SLC12A8: variants seen among roughly 807,000 people sequenced by gnomAD.
SLC12A8 encodes solute carrier family 12 member 8, also known as cation-chloride cotransporter 9.
SLC12A8 carries 69 observed loss-of-function variants against 75.6 expected under a neutral mutation model. The observed-to-expected ratio is 0.91, with a 90% CI of 0.75 to 1.11. The LOEUF (loss-of-function observed/expected upper bound fraction) is 1.11, where lower values mean the gene tolerates loss of function less well. SLC12A8 is among the 50% of genes most tolerant of loss of function. The probability of loss-of-function intolerance (pLI) is 0.00; values close to 1 mark genes in which losing one functional copy is unlikely to be tolerated. For synonymous variants in SLC12A8, 365 were observed against 372.8 expected (o/e 0.98, Z 0.24); for missense variants, 877 against 896.7 (o/e 0.98, Z 0.28).
chr3:125,188,710 G>C (rs1934848181), intron 3 of SLC12A8, among the ~76,000 whole-genome samples: 1 of 152,230 alleles, frequency 6.6e-6, no homozygotes, highest in Non-Finnish European at 1.5e-5. Flanking sequence ...GGAGTGGGCA[G>C]AGCCAGTTCA....
chr3:125,156,644 T>G (rs1934057747), intron 5 of SLC12A8, among the ~76,000 whole-genome samples: 1 of 152,182 alleles, frequency 6.6e-6, no homozygotes, highest in Admixed American at 6.5e-5. Context: ...TTAAGAGGCA[T>G]GTACAAACAA....
intron 4 of SLC12A8, among the ~76,000 whole-genome samples, chr3:125,186,658 C>G (rs1391041883): frequency 1.3e-5 from 2 of 152,248 alleles, no homozygotes; most frequent in Non-Finnish European, 2.9e-5. Flanking sequence ...GGATTTCCCC[C>G]TACTCGCTCG....
chr3:125,107,141 C>A (rs1435980437), intron 10 of SLC12A8, among the ~76,000 whole-genome samples: 2 of 152,116 alleles, frequency 1.3e-5, no homozygotes, highest in Non-Finnish European at 2.9e-5. Flanking sequence ...CAACACATTT[C>A]CACTTCTCTT....
intron 10 of SLC12A8, among the ~76,000 whole-genome samples, chr3:125,099,606 C>A (rs1040284705): frequency 6.6e-6 from 1 of 152,116 alleles, no homozygotes; most frequent in African/African-American, 2.4e-5. Flanking sequence ...ATGACAATGA[C>A]TTTAAAAATA....
chr3:125,169,146 T>G (rs1404794211), intron 5 of SLC12A8, among the ~76,000 whole-genome samples: 1 of 152,278 alleles, frequency 6.6e-6, no homozygotes, highest in Non-Finnish European at 1.5e-5. Context: ...TTTGCCTGAC[T>G]TCTATGGCAA....
At chr3:125,182,513 T>A (rs1385553857) in intron 4 of SLC12A8, among the ~76,000 whole-genome samples, 2 of 151,924 alleles carry the variant, frequency 1.3e-5, no homozygotes, top group Non-Finnish European at 2.9e-5. Context: ...TCCCCATTTT[T>A]TTTTTTTTTT....
At chr3:125,111,276 T>C (rs879343664) in intron 8 of SLC12A8, among the ~76,000 whole-genome samples, 1 of 152,142 alleles carries the variant, frequency 6.6e-6, no homozygotes. Flanking sequence ...CACCAACAGA[T>C]AGAATAAGAG....
At chr3:125,162,060 G>A (rs1003905351) in intron 5 of SLC12A8, among the ~76,000 whole-genome samples, 2 of 152,180 alleles carry the variant, frequency 1.3e-5, no homozygotes, top group Admixed American at 1.3e-4. Flanking sequence ...GAATACCTGC[G>A]AACTGCTGCC....
At chr3:125,195,499 A>G (rs958945697) in intron 2 of SLC12A8, among the ~76,000 whole-genome samples, 14 of 152,224 alleles carry the variant, frequency 9.2e-5, no homozygotes, top group African/African-American at 3.4e-4. Context: ...ATTCCTAGAA[A>G]TGTGAGGTCT....
chr3:125,110,579 C>A, intron 8 of SLC12A8: 1 of 324,612 alleles, frequency 3.1e-6, no homozygotes, highest in Non-Finnish European at 5.7e-6. Flanking sequence ...CCAGACTCAG[C>A]TGCAGGGCTT....
intron 2 of SLC12A8, among the ~76,000 whole-genome samples, chr3:125,196,243 T>A (rs1162850415): frequency 3.9e-5 from 6 of 152,248 alleles, no homozygotes; most frequent in African/African-American, 1.4e-4. Flanking sequence ...GTATTTCAAA[T>A]GAATGACGTA....
chr3:125,111,463 C>T (rs1682478532), intron 8 of SLC12A8, among the ~76,000 whole-genome samples: 1 of 152,330 alleles, frequency 6.6e-6, no homozygotes, highest in South Asian at 2.1e-4. Context: ...CTCATCTGTA[C>T]CCACAGGAAA....
intron 4 of SLC12A8, among the ~76,000 whole-genome samples, chr3:125,185,320 C>CAAAAACA (rs762190741): frequency 4.9e-5 from 7 of 141,948 alleles, no homozygotes; most frequent in African/African-American, 1.3e-4. Flanking sequence ...AACGGCGTCT[C>CAAAAACA]AAAAACAAAA....
chr3:125,135,861 C>T (rs1176420407), intron 5 of SLC12A8, 79 bp from the exon 6 acceptor site: 1 of 784,966 alleles, frequency 1.3e-6, no homozygotes, highest in African/African-American at 1.7e-5. Context: ...GGTACTATTT[C>T]ATATATCGCT....
intron 5 of SLC12A8, among the ~76,000 whole-genome samples, chr3:125,162,327 C>T (rs1934193416): frequency 6.6e-6 from 1 of 152,226 alleles, no homozygotes; most frequent in African/African-American, 2.4e-5. Context: ...TTCCAGTCCT[C>T]AAGGCTCTCA....
At chr3:125,123,658 T>C (rs1933118380) in intron 6 of SLC12A8, 1 of 151,952 alleles carries the variant, frequency 6.6e-6, no homozygotes, top group Admixed American at 6.6e-5. Flanking sequence ...AACCATCAGA[T>C]CTCGTGAGAC....
chr3:125,107,995 T>G lies in SLC12A8; in HGVS notation c.1191A>C (p.Ala397=). ...VTINFMLTYV[A]VDYSYFSLSM... The stretch of plus-strand genomic sequence containing the variant: ...ACAGGGAGAAGTAAGAGTAGTCCAC[T>G]GCAACGTATGTCAGCATGAAGTTGA... The change falls in exon 10 of 14, where the codon GCA becomes GCC. Residue 397 remains alanine (A), a synonymous_variant. Transcript: ENST00000469902. 1 of 1,614,158 alleles carries G rather than the reference T, an allele frequency of 6.2e-7. No individual in the cohort carries two copies.
intron 5 of SLC12A8, among the ~76,000 whole-genome samples, chr3:125,141,190 C>G (rs1712458): frequency 0.63 from 93,774 of 149,304 alleles, 30,438 homozygotes; most frequent in South Asian, 0.74. Context: ...GCGGGTAAGA[C>G]AGAGAACAAA....
At chr3:125,087,049 G>A (rs1938475869) in intron 13 of SLC12A8, among the ~76,000 whole-genome samples, 2 of 151,520 alleles carry the variant, frequency 1.3e-5, no homozygotes, top group South Asian at 2.1e-4. Context: ...CACACTGCAC[G>A]TAAACATGGC....
Sources: gnomAD v4.1 joint callset for allele counts (sites outside exome capture counted in the v4.1 genomes callset) on GRCh38, gnomAD v4.1.1 for gene constraint, MANE v1.5 for transcripts, NCBI Gene and HGNC (gene_info 2026-07-23, HGNC 2026-07-21) for gene names.